SH3GL3: variants seen among roughly 807,000 people sequenced by gnomAD.
SH3GL3 encodes the protein endophilin-A3.
A neutral mutation model predicts 47.7 loss-of-function variants in SH3GL3; 33 were observed. The observed-to-expected ratio is 0.69, with a 90% CI of 0.52 to 0.92. The LOEUF (loss-of-function observed/expected upper bound fraction) is 0.92, where lower values mean the gene tolerates loss of function less well. Ranked by LOEUF, SH3GL3 falls within the 40% of genes least tolerant of loss-of-function variation. The pLI is 0.00. For synonymous variants in SH3GL3, 155 were observed against 148.8 expected (o/e 1.04, Z -0.30); for missense variants, 363 against 417.8 (o/e 0.87, Z 1.14).
At chr15:83,481,933 T>C (rs538560217) in intron 1 of SH3GL3, among the ~76,000 whole-genome samples, 3 of 152,288 alleles carry the variant, frequency 2.0e-5, no homozygotes, top group Admixed American at 1.3e-4. Flanking sequence ...AATTTTCTTA[T>C]TAAAAGAAGA....
intron 1 of SH3GL3, among the ~76,000 whole-genome samples, chr15:83,493,749 T>A (rs918743240): frequency 4.7e-5 from 7 of 148,286 alleles, no homozygotes; most frequent in African/African-American, 1.5e-4. Context: ...TCTCGACTGT[T>A]AAGTACCAGA....
chr15:83,449,888 T>C (rs1374898287), intron 1 of SH3GL3, among the ~76,000 whole-genome samples: 2 of 152,228 alleles, frequency 1.3e-5, no homozygotes, highest in Admixed American at 6.5e-5. Flanking sequence ...TGCAACAATT[T>C]GGTGGAGAAA....
rs764252226 is a variant in SH3GL3 at position 83,565,117 on chromosome 15, T to A, written c.115-17T>A. 18 of 1,244,266 alleles carry A rather than the reference T, an allele frequency of 1.4e-5. No homozygotes were observed. The highest frequency in any genetic ancestry group is 2.0e-5 in the Non-Finnish European group (17 of 866,492). The allele number at this position is 1,244,266 out of a possible 1,614,324, so 77.1% of individuals were successfully genotyped here. On this transcript the variant is annotated splice_polypyrimidine_tract_variant and intron_variant, in intron 2 of 8. Coordinates refer to ENST00000427482, the MANE Select transcript of SH3GL3 (RefSeq NM_003027.5). ...GAGTTTGTCATTTACTAACTTTTTT[T>A]AAATTTTGCTTTTAAGAAAATAGAT... is the stretch of plus-strand genomic sequence containing the variant.
chr15:83,616,181 A>G (rs918533464), intron 8 of SH3GL3, among the ~76,000 whole-genome samples: 7 of 151,684 alleles, frequency 4.6e-5, no homozygotes, highest in Non-Finnish European at 1.0e-4. Flanking sequence ...TAAGAAAAAT[A>G]GTGATATTAG....
the SH3GL3 span, among the ~76,000 whole-genome samples, chr15:83,626,125 CCCAA>C: frequency 6.6e-6 from 1 of 152,210 alleles, no homozygotes; most frequent in Non-Finnish European, 1.5e-5. Flanking sequence ...AGCTATCGCA[CCCAA>C]CCAATATTTT....
At chr15:83,560,574 T>G (rs532175138) in intron 2 of SH3GL3, among the ~76,000 whole-genome samples, 86 of 152,324 alleles carry the variant, frequency 5.6e-4, no homozygotes, top group Admixed American at 1.8e-3. Flanking sequence ...AGTTTTAGTT[T>G]TGGTTGATGG....
intron 8 of SH3GL3, among the ~76,000 whole-genome samples, chr15:83,602,867 C>G (rs934689710): frequency 6.6e-6 from 1 of 152,154 alleles, no homozygotes; most frequent in African/African-American, 2.4e-5. Flanking sequence ...TCTTCCAAGA[C>G]CACATTGTAA....
intron 1 of SH3GL3, among the ~76,000 whole-genome samples, chr15:83,546,436 C>T (rs971928721): frequency 6.6e-6 from 1 of 151,508 alleles, no homozygotes; most frequent in Non-Finnish European, 1.5e-5. Context: ...AGTGGGTTCC[C>T]TTCTGGCCCA....
intron 1 of SH3GL3, among the ~76,000 whole-genome samples, chr15:83,458,598 AC>A (rs969396311): frequency 1.3e-5 from 2 of 151,814 alleles, no homozygotes; most frequent in African/African-American, 4.8e-5. Flanking sequence ...ATCCTTGTCC[AC>A]CTTTCTTTCT....
chr15:83,599,137 G>A (rs2060314242), intron 8 of SH3GL3, among the ~76,000 whole-genome samples: 1 of 151,902 alleles, frequency 6.6e-6, no homozygotes, highest in Admixed American at 6.6e-5. Context: ...TTCTGTAGTT[G>A]GGGGAGAATT....
chr15:83,521,449 A>G (rs974974449), intron 1 of SH3GL3, among the ~76,000 whole-genome samples: 1 of 152,166 alleles, frequency 6.6e-6, no homozygotes, highest in African/African-American at 2.4e-5. Context: ...GATGGTGCTG[A>G]GGATGGGGAG....
At chr15:83,608,938 G>A (rs866359238) in intron 8 of SH3GL3, among the ~76,000 whole-genome samples, 26 of 152,236 alleles carry the variant, frequency 1.7e-4, no homozygotes, top group Middle Eastern at 6.8e-3. Context: ...TACAAGTGGT[G>A]TAAGTAATAA....
chr15:83,559,138 C>A, intron 1 of SH3GL3, 115 bp from the exon 2 acceptor site: 3 of 653,496 alleles, frequency 4.6e-6, no homozygotes, highest in South Asian at 1.9e-5. Flanking sequence ...GGAGTTAGTT[C>A]AAAAAATCCA....
intron 1 of SH3GL3, among the ~76,000 whole-genome samples, chr15:83,515,553 T>A (rs2042945900): frequency 6.6e-6 from 1 of 152,088 alleles, no homozygotes. Context: ...GAATGGGAGC[T>A]GATGCCTAGG....
intron 1 of SH3GL3, among the ~76,000 whole-genome samples, chr15:83,504,940 A>G (rs1335589150): frequency 6.6e-6 from 1 of 152,204 alleles, no homozygotes; most frequent in Non-Finnish European, 1.5e-5. Context: ...ACCAATATGT[A>G]TGCATCTCTA....
At chr15:83,479,011 A>G (rs1317183130) in intron 1 of SH3GL3, among the ~76,000 whole-genome samples, 1 of 152,234 alleles carries the variant, frequency 6.6e-6, no homozygotes, top group Non-Finnish European at 1.5e-5. Flanking sequence ...CCTGGGGAGC[A>G]GAACGCCTGC....
chr15:83,597,423 A>G (rs541519856), intron 8 of SH3GL3, among the ~76,000 whole-genome samples: 1 of 152,262 alleles, frequency 6.6e-6, no homozygotes, highest in Admixed American at 6.5e-5. Context: ...GTAAGGTAAC[A>G]TAGCTATAGG....
Position 83,576,921 on chromosome 15 carries a change from AT to A in SH3GL3, c.624+194del, listed in dbSNP as rs71156087. Among the ~76,000 whole-genome samples the A allele has an allele frequency of 4.4e-4, 38 of 86,544 alleles. 2 individuals carry two copies. Among genetic ancestry groups the A allele is most frequent in the South Asian group, 1.8e-3 (5 of 2,848 alleles). The allele number at this position is 86,544 out of a possible 152,430, so 56.8% of individuals were successfully genotyped here. On this transcript the variant is annotated intron_variant, in intron 6 of 8. Transcript: ENST00000427482. ...TGATGAGCTTAAAAAAAAAATCATA[AT>A]TTTTTTTTTTTTTGAGACGCTGTCT...
intron 8 of SH3GL3, among the ~76,000 whole-genome samples, chr15:83,591,022 T>G (rs1300353103): frequency 6.6e-6 from 1 of 152,200 alleles, no homozygotes. Flanking sequence ...TTTTTCTTTT[T>G]TTTGAGACAG....
Sources: allele counts gnomAD v4.1 joint callset (sites outside exome capture counted in the v4.1 genomes callset), GRCh38; gene constraint gnomAD v4.1.1; transcripts MANE v1.5; gene names NCBI Gene and HGNC (gene_info 2026-07-23, HGNC 2026-07-21).